Variants in CRPPA observed in about 807,000 individuals in gnomAD.
CRPPA encodes the protein CDP-L-ribitol pyrophosphorylase A, also known as D-ribitol-5-phosphate cytidylyltransferase.
A neutral mutation model predicts 52.0 loss-of-function variants in CRPPA; 43 were observed. The observed-to-expected ratio is 0.83, with a 90% CI of 0.65 to 1.07. The LOEUF (loss-of-function observed/expected upper bound fraction) is 1.07, where lower values mean the gene tolerates loss of function less well. Ranked by LOEUF, CRPPA falls within the 50% of genes least tolerant of loss-of-function variation. The probability of loss-of-function intolerance (pLI) is 0.00; values close to 1 mark genes in which losing one functional copy is unlikely to be tolerated. For synonymous variants in CRPPA, 250 were observed against 203.5 expected, an observed-to-expected ratio of 1.23 and a Z score of -1.94; for missense variants, 629 against 551.7, an observed-to-expected ratio of 1.14 and a Z score of -1.40.
intron 5 of CRPPA, among the ~76,000 whole-genome samples, chr7:16,284,863 T>C (rs192780448): frequency 2.6e-5 from 4 of 152,288 alleles, no homozygotes; most frequent in Admixed American, 2.6e-4. Flanking sequence ...ACTGTACTTG[T>C]ACCACGTGTT....
intron 3 of CRPPA, among the ~76,000 whole-genome samples, chr7:16,333,470 A>G (rs189299586): frequency 6.6e-6 from 1 of 152,332 alleles, no homozygotes; most frequent in East Asian, 1.9e-4. Flanking sequence ...TAAATAATAC[A>G]TGTGTAAAAG....
chr7:16,355,455 T>C (rs1399260928), intron 3 of CRPPA, among the ~76,000 whole-genome samples: 2 of 152,244 alleles, frequency 1.3e-5, no homozygotes. Flanking sequence ...TGGTTGTTCA[T>C]ATCTCATGCC....
chr7:16,115,009 T>C (rs544920040), intron 9 of CRPPA, among the ~76,000 whole-genome samples: 1 of 152,192 alleles, frequency 6.6e-6, no homozygotes, highest in South Asian at 2.1e-4. Context: ...TGAATAGCCT[T>C]TGACTATCTG....
At position 16,194,784 on chromosome 7, in the gene CRPPA, G is replaced by A. The variant is rs1052219284; in HGVS notation, c.1251+21282C>T. Among the ~76,000 whole-genome samples the A allele has an allele frequency of 3.3e-5, 5 of 151,846 alleles. No homozygotes were observed. In the East Asian group the frequency reaches 5.8e-4, roughly 18 times the overall value. ...TAGTAGGATCTATATTAATACTCTG[G>A]AAACCTGTGTGAACTTTGGAAATTA... On this transcript the variant is annotated intron_variant, in intron 9 of 9. Transcript: ENST00000407010.
chr7:16,403,347 A>G (rs1288191296), intron 2 of CRPPA, among the ~76,000 whole-genome samples: 1 of 152,192 alleles, frequency 6.6e-6, no homozygotes, highest in African/African-American at 2.4e-5. Flanking sequence ...GCCAGCCTTA[A>G]TCGTGGATAT....
intron 9 of CRPPA, among the ~76,000 whole-genome samples, chr7:16,117,719 C>G (rs1364986050): frequency 6.6e-6 from 1 of 152,172 alleles, no homozygotes; most frequent in African/African-American, 2.4e-5. Flanking sequence ...CATTTCCTAC[C>G]AACCTCATCT....
intron 9 of CRPPA, among the ~76,000 whole-genome samples, chr7:16,165,761 A>C (rs2128383514): frequency 6.6e-6 from 1 of 152,344 alleles, no homozygotes; most frequent in South Asian, 2.1e-4. Flanking sequence ...CACTGTTATA[A>C]AAATTATCAG....
rs1389664059 is a variant in CRPPA, at chr7:16,090,648, A to G, written c.*1047T>C. The G allele has an allele frequency of 6.6e-6, 1 of 151,532 alleles. No homozygotes were observed. Among genetic ancestry groups the G allele is most frequent in the East Asian group, 1.9e-4 (1 of 5,148 alleles). 9.4% of individuals were successfully genotyped at this position (151,532 alleles called of 1,614,324 possible). On this transcript the variant is annotated 3_prime_UTR_variant, in exon 10 of 10. Transcript: ENST00000407010. ...TGAGGGAGGATAATTGCTTAAACCC[A>G]GGAGGCAGAGGTTGCAGTCAGCTGA...
intron 3 of CRPPA, among the ~76,000 whole-genome samples, chr7:16,321,526 A>G (rs1785264828): frequency 6.6e-6 from 1 of 152,166 alleles, no homozygotes; most frequent in South Asian, 2.1e-4. Context: ...AAGGAGAACC[A>G]TTACAATGCT....
chr7:16,413,499 T>A (rs1414366056), intron 1 of CRPPA, among the ~76,000 whole-genome samples: 1 of 152,242 alleles, frequency 6.6e-6, no homozygotes, highest in Non-Finnish European at 1.5e-5. Flanking sequence ...GAATCTCTAA[T>A]ACAGTTAATC....
intron 2 of CRPPA, among the ~76,000 whole-genome samples, chr7:16,397,771 C>G (rs192374835): frequency 6.6e-6 from 1 of 152,196 alleles, no homozygotes; most frequent in Non-Finnish European, 1.5e-5. Context: ...GTGATTGGCA[C>G]GTGACCAACA....
chr7:16,321,063 G>A (rs911861652), intron 3 of CRPPA, among the ~76,000 whole-genome samples: 1 of 152,070 alleles, frequency 6.6e-6, no homozygotes, highest in Non-Finnish European at 1.5e-5. Context: ...AAGCTTATCA[G>A]TTTATTCAAA....
At chr7:16,127,592 G>A (rs1203884840) in intron 9 of CRPPA, among the ~76,000 whole-genome samples, 2 of 151,736 alleles carry the variant, frequency 1.3e-5, no homozygotes. Flanking sequence ...TGAAAACACT[G>A]CAAATAACTA....
intron 8 of CRPPA, among the ~76,000 whole-genome samples, chr7:16,253,126 T>G (rs1431052832): frequency 6.6e-6 from 1 of 152,208 alleles, no homozygotes; most frequent in African/African-American, 2.4e-5. Context: ...CTGATCTTAA[T>G]TATTTCTTGC....
In CRPPA at chr7:16,385,160, G is replaced by A. The variant is rs544703957; in HGVS notation, c.535-8919C>T. Among the ~76,000 whole-genome samples the A allele has an allele frequency of 1.6e-4, 24 of 151,854 alleles. No individual in the cohort carries two copies. In the East Asian group the frequency reaches 1.9e-3, roughly 12 times the overall value. On this transcript the variant is annotated intron_variant, in intron 2 of 9. Transcript: ENST00000407010. ...AGGATGAAGATAAATGAACAGAGCCGCAGAATAAAGGACACCATTAAGTAC... is the reference window on the plus strand; with the variant it reads ...AGGATGAAGATAAATGAACAGAGCCACAGAATAAAGGACACCATTAAGTAC...
At position 16,091,566 on chromosome 7, in the gene CRPPA, C is replaced by T. The variant is rs1781837581; in HGVS notation, c.*129G>A. ...AATCTGCTTTATAATCTAAGCATCACATCCTACAAATTATAGAGAAGATAT... is the reference window on the plus strand; with the variant it reads ...AATCTGCTTTATAATCTAAGCATCATATCCTACAAATTATAGAGAAGATAT... On this transcript the variant is annotated 3_prime_UTR_variant, in exon 10 of 10. Coordinates refer to ENST00000407010, the MANE Select transcript of CRPPA (RefSeq NM_001101426.4). 1 of 601,488 alleles carries T rather than the reference C, an allele frequency of 1.7e-6. No homozygotes were observed. Among genetic ancestry groups the T allele is most frequent in the Non-Finnish European group, 2.9e-6 (1 of 345,456 alleles). 37.3% of individuals were successfully genotyped at this position (601,488 alleles called of 1,614,324 possible).
chr7:16,276,624 C>A (rs1463874280), intron 6 of CRPPA: 1 of 152,092 alleles, frequency 6.6e-6, no homozygotes, highest in African/African-American at 2.4e-5. Flanking sequence ...AATACTGTGC[C>A]CATGAGCCCT....
At chr7:16,241,943 A>ATTT (rs1190700649) in intron 8 of CRPPA, among the ~76,000 whole-genome samples, 2 of 66,480 alleles carry the variant, frequency 3.0e-5, no homozygotes, top group Non-Finnish European at 6.5e-5. Flanking sequence ...TTAAAAATCT[A>ATTT]TTCTTTTTTT....
intron 3 of CRPPA, among the ~76,000 whole-genome samples, chr7:16,347,930 T>C (rs1255744174): frequency 6.6e-6 from 1 of 151,924 alleles, no homozygotes; most frequent in Non-Finnish European, 1.5e-5. Flanking sequence ...AAAAAAATGG[T>C]GGTTTTCTAC....
Sources: gnomAD v4.1 joint callset for allele counts (sites outside exome capture counted in the v4.1 genomes callset) on GRCh38, gnomAD v4.1.1 for gene constraint, MANE v1.5 for transcripts, NCBI Gene and HGNC (gene_info 2026-07-23, HGNC 2026-07-21) for gene names.